ANK2: variants seen among roughly 807,000 people sequenced by gnomAD.
ANK2 encodes the protein ankyrin 2.
In ANK2, 83 loss-of-function variants were observed where a neutral mutation model predicts 360.5. The observed-to-expected ratio is 0.23, with a 90% CI of 0.19 to 0.28. The LOEUF is 0.28. Among genes scored for constraint, ANK2 ranks in the 10% least tolerant of loss-of-function variants. ANK2 has a pLI of 1.00. For missense variants in ANK2, 4,201 were observed against 4,795.7 expected (o/e 0.88, Z 3.66); for synonymous variants, 1,740 against 1,759.5 (o/e 0.99, Z 0.28).
At chr4:113,344,256 AAAG>A (rs2094584835) in intron 34 of ANK2, among the ~76,000 whole-genome samples, 1 of 152,228 alleles carries the variant, frequency 6.6e-6, no homozygotes, top group South Asian at 2.1e-4. Flanking sequence ...ACATTTCTCC[AAAG>A]AAGATACACA....
chr4:112,953,745 A>T (rs1251480467), intron 2 of ANK2, among the ~76,000 whole-genome samples: 1 of 152,150 alleles, frequency 6.6e-6, no homozygotes, highest in Non-Finnish European at 1.5e-5. Flanking sequence ...TGTCGGCACT[A>T]AATCTTGACT....
chr4:113,145,982 C>A lies in ANK2; in HGVS notation c.85-28434C>A, dbSNP rs550142822. 47 of 1,289,650 alleles carry A rather than the reference C, an allele frequency of 3.6e-5. No homozygotes were observed. The South Asian group carries it at 5.7e-4, about 16-fold the overall frequency. The allele number at this position is 1,289,650 out of a possible 1,614,324, so 79.9% of individuals were successfully genotyped here. A position where few individuals can be genotyped will look rare whatever the true frequency, so the allele number is the denominator to read the frequency against. ...ACTACTATGGCTGTAACAGTGAGGA[C>A]GTCAAAGAACCTGGAGTGTGGGTAA... On this transcript the variant is annotated intron_variant, in intron 1 of 45. Coordinates refer to ENST00000357077, the MANE Select transcript of ANK2 (RefSeq NM_001148.6).
chr4:112,997,375 T>C (rs1315964124), intron 2 of ANK2, among the ~76,000 whole-genome samples: 1 of 152,140 alleles, frequency 6.6e-6, no homozygotes, highest in Non-Finnish European at 1.5e-5. Flanking sequence ...ACTGACCAAA[T>C]CTGTGATCCC....
intron 2 of ANK2, among the ~76,000 whole-genome samples, chr4:113,180,230 C>A (rs1411986237): frequency 6.6e-6 from 1 of 152,134 alleles, no homozygotes; most frequent in Non-Finnish European, 1.5e-5. Context: ...TGCTGGAAAC[C>A]AAATTCTAGT....
intron 29 of ANK2, among the ~76,000 whole-genome samples, chr4:113,335,184 A>T (rs1175941329): frequency 6.6e-6 from 1 of 152,172 alleles, no homozygotes; most frequent in East Asian, 1.9e-4. Context: ...AGAACCCATG[A>T]TCCCATCCTC....
At chr4:113,117,380 C>T (rs998437969) in intron 1 of ANK2, 5 of 456,106 alleles carry the variant, frequency 1.1e-5, no homozygotes, top group African/African-American at 6.0e-5. Flanking sequence ...AAAAAAACAA[C>T]GGAAAATCCC....
intron 1 of ANK2, among the ~76,000 whole-genome samples, chr4:113,087,222 G>A (rs1432984036): frequency 1.3e-5 from 2 of 152,168 alleles, no homozygotes; most frequent in Non-Finnish European, 2.9e-5. Context: ...AGAGGAAAGA[G>A]TATTTCAAAC....
intron 1 of ANK2, among the ~76,000 whole-genome samples, chr4:113,083,880 C>T (rs1305857863): frequency 2.0e-5 from 3 of 152,060 alleles, no homozygotes; most frequent in East Asian, 1.9e-4. Context: ...ATAAGAGTTA[C>T]GGCTGATAGC....
chr4:113,306,490 A>C (rs1357273100), intron 23 of ANK2, among the ~76,000 whole-genome samples: 1 of 152,218 alleles, frequency 6.6e-6, no homozygotes, highest in African/African-American at 2.4e-5. Context: ...GATTTCAATT[A>C]ATGATGAAAA....
At chr4:113,262,359 T>C (rs1375521854) in intron 13 of ANK2, among the ~76,000 whole-genome samples, 3 of 152,122 alleles carry the variant, frequency 2.0e-5, no homozygotes, top group Admixed American at 1.3e-4. Flanking sequence ...CCCAAGTAGC[T>C]GGAACTACAG....
intron 4 of ANK2, among the ~76,000 whole-genome samples, chr4:113,203,360 A>G (rs2098876874): frequency 6.6e-6 from 1 of 152,190 alleles, no homozygotes; most frequent in Non-Finnish European, 1.5e-5. Context: ...ATATTCTCAA[A>G]ATCATGAGTT....
Position 113,238,296 on chromosome 4 carries a change from C to T in ANK2, c.693+674C>T, listed in dbSNP as rs577437551. ...ATTGCTACAGAGAGAGACACTAACACGAACATTGTTGATGTATATTATACA... is the reference window on the plus strand; with the variant it reads ...ATTGCTACAGAGAGAGACACTAACATGAACATTGTTGATGTATATTATACA... On this transcript the variant is annotated intron_variant, in intron 7 of 45. Coordinates refer to ENST00000357077, the MANE Select transcript of ANK2 (RefSeq NM_001148.6). Among the ~76,000 whole-genome samples, 19 of 152,222 alleles carry T rather than the reference C, an allele frequency of 1.2e-4. No homozygotes were observed. The South Asian group carries it at 1.9e-3, about 15-fold the overall frequency.
At chr4:113,291,430 C>T (rs901085419) in intron 20 of ANK2, among the ~76,000 whole-genome samples, 1 of 145,040 alleles carries the variant, frequency 6.9e-6, no homozygotes, top group Admixed American at 7.2e-5. Context: ...AGACTTCCAA[C>T]ATGACAGAGT....
At chr4:113,243,522 G>A (rs555272134) in intron 9 of ANK2, among the ~76,000 whole-genome samples, 147 of 152,246 alleles carry the variant, frequency 9.7e-4, no homozygotes, top group African/African-American at 3.4e-3. Flanking sequence ...ATCACAACAC[G>A]TGGGAGTTCT....
intron 21 of ANK2, 103 bp downstream of exon 21, chr4:113,292,617 A>T: frequency 8.0e-7 from 1 of 1,246,220 alleles, no homozygotes; most frequent in South Asian, 1.3e-5. Context: ...CTCCTCTTTA[A>T]ATAAGCCCCC....
At chr4:112,997,907 A>T (rs2049198160) in intron 2 of ANK2, among the ~76,000 whole-genome samples, 1 of 145,172 alleles carries the variant, frequency 6.9e-6, no homozygotes, top group Non-Finnish European at 1.5e-5. Context: ...ATTTTGGGCT[A>T]TTTTTTTTTT....
chr4:112,779,247 G>A, the ANK2 span, among the ~76,000 whole-genome samples: 130 of 152,306 alleles, frequency 8.5e-4, no homozygotes, highest in African/African-American at 2.5e-3. Context: ...GGCCGGGTGC[G>A]GTGGCTCACG....
chr4:112,931,436 T>TTC (rs1261365045), intron 2 of ANK2, among the ~76,000 whole-genome samples: 5 of 100,020 alleles, frequency 5.0e-5, no homozygotes, highest in Non-Finnish European at 1.1e-4. Context: ...TTCTTTTCTT[T>TTC]TTTTTTTTTT....
chr4:112,824,993 G>A (rs186250637), intron 1 of ANK2, among the ~76,000 whole-genome samples: 28 of 152,208 alleles, frequency 1.8e-4, no homozygotes, highest in Admixed American at 1.7e-3. Flanking sequence ...TATACACCAT[G>A]GAATATTATG....
Sources: allele counts gnomAD v4.1 joint callset (sites outside exome capture counted in the v4.1 genomes callset), GRCh38; gene constraint gnomAD v4.1.1; transcripts MANE v1.5; gene names NCBI Gene and HGNC (gene_info 2026-07-23, HGNC 2026-07-21).